SH3BP5L: variants seen among roughly 807,000 people sequenced by gnomAD.
SH3BP5L encodes the protein SH3 binding domain protein 5 like.
In SH3BP5L, 16 loss-of-function variants were observed where a neutral mutation model predicts 40.9. The ratio of observed to expected loss-of-function variants is 0.39; its 90% CI spans 0.27 to 0.59. The LOEUF is 0.59. Ranked by LOEUF, SH3BP5L falls within the 20% of genes least tolerant of loss-of-function variation. SH3BP5L has a pLI of 0.53. For synonymous variants in SH3BP5L, 229 were observed against 226.7 expected (o/e 1.01, Z -0.09); for missense variants, 471 against 544.6 (o/e 0.86, Z 1.35).
chr1:248,813,254 A>G, intron 5 of SH3BP5L, 92 bp from the exon 6 acceptor site: 1 of 1,347,874 alleles, frequency 7.4e-7, no homozygotes, highest in Non-Finnish European at 9.7e-7. Context: ...CCCTGGGGGG[A>G]ACCCAAACAG....
In SH3BP5L at chr1:248,824,989, A is replaced by G; in HGVS notation, c.-54T>C. ...CACAAGAGAGGACTGACATGCTGGG[A>G]CCAGGGCCCCAGCTTGGGGCTTCCT... On this transcript the variant is annotated 5_prime_UTR_variant, in exon 2 of 7. Coordinates refer to ENST00000366472, the MANE Select transcript of SH3BP5L (RefSeq NM_030645.3). The G allele has an allele frequency of 1.3e-6, 2 of 1,538,404 alleles. No homozygotes were observed. Among genetic ancestry groups the G allele is most frequent in the Non-Finnish European group, 1.7e-6 (2 of 1,147,000 alleles).
intron 2 of SH3BP5L, among the ~76,000 whole-genome samples, chr1:248,823,133 G>T (rs778978982): frequency 1.3e-5 from 2 of 152,180 alleles, no homozygotes; most frequent in Non-Finnish European, 2.9e-5. Flanking sequence ...CAAGTAAAGA[G>T]ACCACAGTGG....
In SH3BP5L at chr1:248,812,880, G is replaced by A. The variant is rs1039310044; in HGVS notation, c.711+109C>T. On this transcript the variant is annotated intron_variant, in intron 6 of 6. Transcript: ENST00000366472. The surrounding 1 kb of genome is among the most constrained non-coding windows in gnomAD (Gnocchi z 6.1). ...CCACCCTTCCCCACCGCTAGCCGGA[G>A]GCCTCACCCTGGCCACCTCACCAAG... 1 of 988,092 alleles carries A rather than the reference G, an allele frequency of 1.0e-6. No individual in the cohort carries two copies. The highest frequency in any genetic ancestry group is 1.5e-6 in the Non-Finnish European group (1 of 672,202). The allele number at this position is 988,092 out of a possible 1,614,324, so 61.2% of individuals were successfully genotyped here.
Position 248,811,973 on chromosome 1 carries a change from G to A in SH3BP5L, c.1109C>T (p.Thr370Met). The change falls in exon 7 of 7, where the codon ACG (threonine) becomes ATG (methionine). Residue 370 changes from threonine (T) to methionine (M), a missense_variant. Physicochemically the swap from Thr to Met is moderately conservative, Grantham distance 81. Transcript: ENST00000366472. Reference protein sequence around the residue: ...HVSLDGQELGTRSGGRRGSDG... With the variant: ...HVSLDGQELGMRSGGRRGSDG... Reference sequence around the variant, plus strand: ...GCTGCCCCGGCGCCCTCCACTCCGCGTTCCCAGCTCTTGGCCGTCCAGACT... The same window carrying A: ...GCTGCCCCGGCGCCCTCCACTCCGCATTCCCAGCTCTTGGCCGTCCAGACT... 1.3e-6 allele frequency: 2 copies of A among 1,595,196 alleles called. No homozygotes were observed. Among genetic ancestry groups the A allele is most frequent in the South Asian group, 1.1e-5 (1 of 88,398 alleles).
In SH3BP5L at chr1:248,812,190, G is replaced by A; in HGVS notation, c.892C>T (p.Pro298Ser). Residue 298 changes from proline (P) to serine (S), a missense_variant, in exon 7 of 7, where the codon CCC becomes TCC. This residue lies in a region of SH3BP5L where 196 missense variants were observed against 174.6 expected (regional missense o/e 1.12). Coordinates refer to ENST00000366472, the MANE Select transcript of SH3BP5L (RefSeq NM_030645.3). This position sits in a 1 kb window ranked among gnomAD's most constrained non-coding sequence, Gnocchi z 6.1. ...RSSPVGAEAG[P>S]EDMEDGDSGI... The stretch of plus-strand genomic sequence containing the variant: ...CTGTCTCCGTCCTCCATGTCCTCGG[G>A]TCCTGCCTCGGCCCCCACGGGGGAG... 6.2e-7 allele frequency: 1 copy of A among 1,600,616 alleles called. No homozygotes were observed. The highest frequency in any genetic ancestry group is 8.5e-7 in the Non-Finnish European group (1 of 1,174,510).
rs780857674 is a variant in SH3BP5L, at chr1:248,813,141, G to A, written c.559C>T (p.Arg187Trp). ...TGGTGCTCCCGCTCACCTCGAAGCC[G>A]CTCTTCCTCCGCCTCATTCACCTGG... Reference protein sequence around the residue: ...TCKVNEAEEERLRGEREHQRV... With the variant: ...TCKVNEAEEEWLRGEREHQRV... Residue 187 changes from arginine to tryptophan, a missense_variant, in exon 6 of 7, where the codon CGG becomes TGG. By Grantham distance (101) the Arg-to-Trp change is moderately radical (BLOSUM62 -3). Coordinates refer to ENST00000366472, the MANE Select transcript of SH3BP5L (RefSeq NM_030645.3). 10 of 1,599,424 alleles carry A rather than the reference G, an allele frequency of 6.3e-6. No homozygotes were observed. Among genetic ancestry groups the A allele is most frequent in the South Asian group, 3.4e-5 (3 of 89,372 alleles).
chr1:248,822,875 G>GC (rs1664288184), intron 2 of SH3BP5L, among the ~76,000 whole-genome samples: 11 of 152,218 alleles, frequency 7.2e-5, no homozygotes, highest in Admixed American at 4.6e-4. Flanking sequence ...TGTTGGCCAG[G>GC]CTGGTCTCAA....
chr1:248,822,664 C>CT (rs201440745), intron 2 of SH3BP5L, among the ~76,000 whole-genome samples: 2,230 of 144,466 alleles, frequency 0.015, 38 homozygotes, highest in African/African-American at 0.038. Flanking sequence ...TGAGGAACTG[C>CT]TTTTTTTTTT....
intron 3 of SH3BP5L, 78 bp downstream of exon 3, chr1:248,816,744 A>G: frequency 6.2e-7 from 1 of 1,611,766 alleles, no homozygotes; most frequent in South Asian, 1.1e-5. Context: ...TCCCACCGCC[A>G]CTGCCTCAAT....
Position 248,812,286 on chromosome 1 carries a change from G to C in SH3BP5L, c.796C>G (p.Gln266Glu). The C allele has an allele frequency of 9.3e-6, 15 of 1,612,228 alleles. No individual in the cohort carries two copies. Among genetic ancestry groups the C allele is most frequent in the Non-Finnish European group, 1.3e-5 (15 of 1,179,990 alleles). Reference sequence around the variant, plus strand: ...CGTGCGTGAATCTGCTCGCTGATCTGCTCCAGGTTACGAAGGGCCACGGAG... The same window carrying C: ...CGTGCGTGAATCTGCTCGCTGATCTCCTCCAGGTTACGAAGGGCCACGGAG... The part of the protein sequence containing the change: ...RYSVALRNLE[Q>E]ISEQIHARRR... Residue 266 changes from glutamine to glutamate, a missense_variant, in exon 7 of 7, where the codon CAG (glutamine) becomes GAG (glutamate). Physicochemically the swap from Gln to Glu is conservative, Grantham distance 29 (BLOSUM62 2). Around this residue, in one of 2 missense-constraint regions of SH3BP5L, gnomAD observed 275 missense variants for 370.1 expected, o/e 0.74. Coordinates refer to ENST00000366472, the MANE Select transcript of SH3BP5L (RefSeq NM_030645.3). The surrounding 1 kb of genome is among the most constrained non-coding windows in gnomAD (Gnocchi z 6.1).
intron 2 of SH3BP5L, among the ~76,000 whole-genome samples, chr1:248,823,639 G>A (rs1051159967): frequency 1.3e-5 from 2 of 149,344 alleles, no homozygotes; most frequent in African/African-American, 5.0e-5. Context: ...CACAGTAGAA[G>A]AGGAACCCAC....
At position 248,814,550 on chromosome 1, in the gene SH3BP5L, C is replaced by T. The variant is rs757774213; in HGVS notation, c.436G>A (p.Ala146Thr). The T allele has an allele frequency of 1.1e-5, 17 of 1,614,222 alleles. No individual in the cohort carries two copies. Among genetic ancestry groups the T allele is most frequent in the Non-Finnish European group, 1.2e-5 (14 of 1,180,046 alleles). ...RYERAVSMHN[A>T]AREMVFVAEQ... The stretch of plus-strand genomic sequence containing the variant: ...GCCACAAACACCATTTCTCGAGCAG[C>T]GTTGTGCATGCTTACGGCCCGCTCG... Residue 146 changes from alanine (A) to threonine (T), a missense_variant, in exon 5 of 7, where the codon GCT (alanine) becomes ACT (threonine). This residue lies in a region of SH3BP5L where 275 missense variants were observed against 370.1 expected (regional missense o/e 0.74). Transcript: ENST00000366472.
chr1:248,825,890 C>T lies in SH3BP5L; in HGVS notation c.-487G>A. The T allele has an allele frequency of 2.1e-6, 2 of 973,036 alleles. No homozygotes were observed. Among genetic ancestry groups the T allele is most frequent in the South Asian group, 4.8e-5 (1 of 20,976 alleles). The allele number at this position is 973,036 out of a possible 1,614,324, so 60.3% of individuals were successfully genotyped here. A position where few individuals can be genotyped will look rare whatever the true frequency, so the allele number is the denominator to read the frequency against. Reference sequence around the variant, plus strand: ...TATGCTGCAAACAATCTCCCCCCCTCCCTCCCCGCAACAAGCCGATCCAAC... The same window carrying T: ...TATGCTGCAAACAATCTCCCCCCCTTCCTCCCCGCAACAAGCCGATCCAAC... On this transcript the variant is annotated 5_prime_UTR_variant, in exon 1 of 7. Coordinates refer to ENST00000366472, the MANE Select transcript of SH3BP5L (RefSeq NM_030645.3).
At chr1:248,819,161 C>T (rs746854340) in intron 2 of SH3BP5L, among the ~76,000 whole-genome samples, 1 of 152,110 alleles carries the variant, frequency 6.6e-6, no homozygotes, top group Non-Finnish European at 1.5e-5. Context: ...AATGGTTTGA[C>T]ATGTTAATTA....
Position 248,825,015 on chromosome 1 carries a change from G to C in SH3BP5L, c.-80C>G, listed in dbSNP as rs1214665612. On this transcript the variant is annotated 5_prime_UTR_variant, in exon 2 of 7. Transcript: ENST00000366472. ...CCAGGGCCCCAGCTTGGGGCTTCCT[G>C]GGCTCTAGATGGCCAGGAGAAGAGT... 9.3e-6 allele frequency: 14 copies of C among 1,511,894 alleles called. No individual in the cohort carries two copies. Among genetic ancestry groups the C allele is most frequent in the Admixed American group, 2.3e-5 (1 of 43,398 alleles). 93.7% of individuals were successfully genotyped at this position (1,511,894 alleles called of 1,614,324 possible). A position where few individuals can be genotyped will look rare whatever the true frequency, so the allele number is the denominator to read the frequency against.
chr1:248,817,027 C>T (rs918494968), intron 2 of SH3BP5L, 143 bp from the exon 3 acceptor site: 10 of 1,547,556 alleles, frequency 6.5e-6, no homozygotes, highest in East Asian at 4.9e-5. Context: ...AAAGAAGATA[C>T]GGAGATTGCC....
At chr1:248,822,884 AAACTCCTGACCTC>A (rs1440737438) in intron 2 of SH3BP5L, among the ~76,000 whole-genome samples, 2 of 152,092 alleles carry the variant, frequency 1.3e-5, no homozygotes, top group Admixed American at 1.3e-4. Flanking sequence ...GGCTGGTCTC[AAACTCCTGACCTC>A]AGGTGATCCA....
intron 4 of SH3BP5L, chr1:248,814,956 G>T (rs1221717718): frequency 2.6e-6 from 1 of 380,136 alleles, no homozygotes; most frequent in East Asian, 6.7e-5. Flanking sequence ...CAGAAAAGAT[G>T]ACCTTGAGAC....
chr1:248,811,221 T>C lies in SH3BP5L; in HGVS notation c.*679A>G. 1 of 152,356 alleles carries C rather than the reference T, an allele frequency of 6.6e-6. No individual in the cohort carries two copies. The highest frequency in any genetic ancestry group is 1.9e-4 in the East Asian group (1 of 5,192). 9.4% of individuals were successfully genotyped at this position (152,356 alleles called of 1,614,324 possible). ...TATGTTGACAGTGGGGTTGGGTTTC[T>C]CTCCCTGACACCAGCTTCCTGCAGG... On this transcript the variant is annotated 3_prime_UTR_variant, in exon 7 of 7. Transcript: ENST00000366472.
Sources: gnomAD v4.1 joint callset for allele counts (sites outside exome capture counted in the v4.1 genomes callset) on GRCh38, gnomAD v4.1.1 for gene constraint, gnomAD v4.1.1 regional missense constraint, Gnocchi (gnomAD v3.1) non-coding constraint, MANE v1.5 for transcripts, NCBI Gene and HGNC (gene_info 2026-07-23, HGNC 2026-07-21) for gene names.